CAMKMT: variants seen among roughly 807,000 people sequenced by gnomAD.
The protein encoded by CAMKMT is CaM KMT.
CAMKMT carries 53 observed loss-of-function variants against 48.0 expected under a neutral mutation model. The observed-to-expected ratio is 1.10, with a 90% CI of 0.89 to 1.39. The LOEUF is 1.39. CAMKMT is among the 40% of genes most tolerant of loss of function. CAMKMT has a pLI of 0.00. For missense variants in CAMKMT, 428 were observed against 402.7 expected (o/e 1.06, Z -0.54); for synonymous variants, 165 against 152.3 (o/e 1.08, Z -0.61).
intron 3 of CAMKMT, among the ~76,000 whole-genome samples, chr2:44,412,599 G>A (rs914035860): frequency 6.6e-6 from 1 of 152,024 alleles, no homozygotes; most frequent in Non-Finnish European, 1.5e-5. Context: ...GCCTCCCAAA[G>A]TGCTGTGTTT....
intron 3 of CAMKMT, among the ~76,000 whole-genome samples, chr2:44,430,752 A>G (rs1356532192): frequency 2.0e-5 from 3 of 152,156 alleles, no homozygotes; most frequent in African/African-American, 7.2e-5. Context: ...ATTTCTTTCA[A>G]ATAGTTTGGC....
chr2:44,450,341 G>C (rs1273228037), intron 3 of CAMKMT, among the ~76,000 whole-genome samples: 2 of 152,038 alleles, frequency 1.3e-5, no homozygotes, highest in Non-Finnish European at 2.9e-5. Context: ...CTTTATATTT[G>C]TCCAGTCAGC....
At chr2:44,391,119 C>A (rs770935404) in intron 3 of CAMKMT, among the ~76,000 whole-genome samples, 4 of 152,110 alleles carry the variant, frequency 2.6e-5, no homozygotes, top group African/African-American at 4.8e-5. Context: ...TAACTTTTGG[C>A]TGAATTTAGG....
intron 3 of CAMKMT, among the ~76,000 whole-genome samples, chr2:44,689,264 T>TA (rs1553438289): frequency 1.5e-5 from 2 of 136,208 alleles, no homozygotes; most frequent in Non-Finnish European, 1.6e-5. Flanking sequence ...CAGCACTATT[T>TA]TTTATTTATT....
intron 3 of CAMKMT, among the ~76,000 whole-genome samples, chr2:44,506,956 T>C (rs1670291827): frequency 6.6e-6 from 1 of 152,178 alleles, no homozygotes. Context: ...ACATACTCTT[T>C]AAAACGTTTT....
At chr2:44,544,466 G>A (rs1667287796) in intron 3 of CAMKMT, among the ~76,000 whole-genome samples, 1 of 152,190 alleles carries the variant, frequency 6.6e-6, no homozygotes, top group African/African-American at 2.4e-5. Flanking sequence ...TACATTGGAA[G>A]TCAGATTTCT....
chr2:44,430,328 A>T (rs899968657), intron 3 of CAMKMT, among the ~76,000 whole-genome samples: 1 of 151,870 alleles, frequency 6.6e-6, no homozygotes, highest in Non-Finnish European at 1.5e-5. Flanking sequence ...TCAGGTAATA[A>T]TGTTTGTTTC....
intron 3 of CAMKMT, among the ~76,000 whole-genome samples, chr2:44,527,675 C>T (rs937304171): frequency 6.6e-6 from 1 of 151,244 alleles, no homozygotes; most frequent in African/African-American, 2.4e-5. Flanking sequence ...TTTACAGTTC[C>T]TTTTTTTCTT....
At chr2:44,577,230 G>A (rs913249990) in intron 3 of CAMKMT, among the ~76,000 whole-genome samples, 9 of 152,148 alleles carry the variant, frequency 5.9e-5, no homozygotes, top group African/African-American at 2.2e-4. Flanking sequence ...AGGAGTGAAG[G>A]ACTTGCCATC....
In CAMKMT at chr2:44,373,429, C is replaced by G. The variant is rs145982809; in HGVS notation, c.311+541C>G. ...AGAAAAGAGACAAGAGAGTTACAGA[C>G]TGCAATAACAAGATACCATTTTACT... is the stretch of plus-strand genomic sequence containing the variant. On this transcript the variant is annotated intron_variant, in intron 2 of 10. Transcript: ENST00000378494. Among the ~76,000 whole-genome samples, 1,379 of 152,258 alleles carry G rather than the reference C, an allele frequency of 9.1e-3. 25 individuals carry two copies. Among genetic ancestry groups the G allele is most frequent in the South Asian group, 0.084 (404 of 4,818 alleles).
chr2:44,557,738 T>G (rs1021585332), intron 3 of CAMKMT, among the ~76,000 whole-genome samples: 11 of 152,230 alleles, frequency 7.2e-5, no homozygotes, highest in African/African-American at 2.7e-4. Context: ...TACCGGGAGG[T>G]GATCACTTTT....
rs76262995 is a variant in CAMKMT, at chr2:44,433,875, T to C, written c.376+43570T>C. The stretch of plus-strand genomic sequence containing the variant: ...ATCTTGCTATAGTGGGATCTCACCA[T>C]GCCCTTTTACATACCAAATACATTC... On this transcript the variant is annotated intron_variant, in intron 3 of 10. Transcript: ENST00000378494. 0.011 allele frequency among the ~76,000 whole-genome samples: 1,746 copies of C among 152,298 alleles called. 52 individuals carry two copies. In the East Asian group the frequency reaches 0.12, roughly 10 times the overall value.
chr2:44,688,714 C>G (rs1573081511), intron 3 of CAMKMT, among the ~76,000 whole-genome samples: 1 of 152,042 alleles, frequency 6.6e-6, no homozygotes, highest in African/African-American at 2.4e-5. Flanking sequence ...TCCTCCTTCC[C>G]CCTTCCCCAC....
At chr2:44,387,343 G>C (rs1680872563) in intron 2 of CAMKMT, among the ~76,000 whole-genome samples, 1 of 151,614 alleles carries the variant, frequency 6.6e-6, no homozygotes, top group South Asian at 2.1e-4. Context: ...ACGCCTGCTA[G>C]TTTTTGGTAT....
At chr2:44,713,332 T>C (rs945354393) in intron 6 of CAMKMT, among the ~76,000 whole-genome samples, 4 of 152,200 alleles carry the variant, frequency 2.6e-5, no homozygotes, top group Admixed American at 2.6e-4. Flanking sequence ...CTGGGCACAT[T>C]ATGGCATGCG....
At chr2:44,444,982 A>T (rs1037577749) in intron 3 of CAMKMT, among the ~76,000 whole-genome samples, 1 of 152,176 alleles carries the variant, frequency 6.6e-6, no homozygotes, top group Non-Finnish European at 1.5e-5. Context: ...AAGCCCTGGG[A>T]AAGAAAACTG....
intron 6 of CAMKMT, among the ~76,000 whole-genome samples, chr2:44,711,009 T>A (rs1485100979): frequency 1.3e-5 from 2 of 152,212 alleles, no homozygotes; most frequent in Non-Finnish European, 2.9e-5. Context: ...TCCCCTGTGC[T>A]TTTTAAAGGA....
intron 3 of CAMKMT, among the ~76,000 whole-genome samples, chr2:44,482,606 T>C (rs1463945044): frequency 6.6e-6 from 1 of 152,164 alleles, no homozygotes; most frequent in Non-Finnish European, 1.5e-5. Context: ...CTATTTTGAG[T>C]AAATAATTTA....
At chr2:44,369,393 G>C (rs980649651) in intron 1 of CAMKMT, among the ~76,000 whole-genome samples, 5 of 151,896 alleles carry the variant, frequency 3.3e-5, no homozygotes, top group Non-Finnish European at 7.4e-5. Flanking sequence ...CTACACATAA[G>C]AATTATGCAT....
Sources: allele counts gnomAD v4.1 joint callset (sites outside exome capture counted in the v4.1 genomes callset), GRCh38; gene constraint gnomAD v4.1.1; transcripts MANE v1.5; gene names NCBI Gene and HGNC (gene_info 2026-07-23, HGNC 2026-07-21).